Variants in ST18 observed in about 807,000 individuals in gnomAD.
ST18 encodes ST18 C2H2C-type zinc finger transcription factor.
In ST18, 50 loss-of-function variants were observed where a neutral mutation model predicts 110.0. The observed-to-expected ratio is 0.45, with a 90% CI of 0.36 to 0.58. ST18 has a LOEUF of 0.58. ST18 is among the 20% of genes least tolerant of loss of function. The pLI is 0.00. For missense variants in ST18, 1,306 were observed against 1,280.1 expected (o/e 1.02, Z -0.31); for synonymous variants, 461 against 452.4 (o/e 1.02, Z -0.24).
chr8:52,170,430 C>T (rs987623429), intron 10 of ST18, among the ~76,000 whole-genome samples: 3 of 147,054 alleles, frequency 2.0e-5, no homozygotes, highest in Non-Finnish European at 4.5e-5. Flanking sequence ...CCAGCCTGGG[C>T]AACAGAGCAA....
At position 52,242,950 on chromosome 8, in the gene ST18, TG is replaced by T. The variant is rs544119755; in HGVS notation, c.-464-12874del. On this transcript the variant is annotated intron_variant, in intron 2 of 25. Transcript: ENST00000689386. Reference sequence around the variant, plus strand: ...TATTATTCTTATTATTGGACAAAAATGTTTTCTGCTTGAGTCTAAAATACTC... The same window carrying T: ...TATTATTCTTATTATTGGACAAAAATTTTTCTGCTTGAGTCTAAAATACTC... Among the ~76,000 whole-genome samples the T allele has an allele frequency of 2.6e-4, 40 of 152,116 alleles. 3 individuals are homozygous for T. The South Asian group carries it at 7.9e-3, about 30-fold the overall frequency.
chr8:52,136,574 C>A lies in ST18; in HGVS notation c.2300+16G>T. 6.2e-7 allele frequency: 1 copy of A among 1,605,716 alleles called. No individual in the cohort carries two copies. The highest frequency in any genetic ancestry group is 2.2e-5 in the East Asian group (1 of 44,750). On this transcript the variant is annotated intron_variant, in intron 19 of 25. Coordinates refer to ENST00000689386, the MANE Select transcript of ST18 (RefSeq NM_001352837.2). Reference sequence around the variant, plus strand: ...GTGTGGATGAAGGGCAAGCCGGCCACGCTTCCCGCACTTACTTAAGCTCCT... The same window carrying A: ...GTGTGGATGAAGGGCAAGCCGGCCAAGCTTCCCGCACTTACTTAAGCTCCT...
At chr8:52,408,628 C>T (rs1845371302) in intron 2 of ST18, among the ~76,000 whole-genome samples, 2 of 152,210 alleles carry the variant, frequency 1.3e-5, no homozygotes, top group African/African-American at 4.8e-5. Flanking sequence ...CCAAGTACTG[C>T]GTAGTGACCA....
At chr8:52,153,541 A>G (rs186873286) in intron 15 of ST18, among the ~76,000 whole-genome samples, 22 of 152,380 alleles carry the variant, frequency 1.4e-4, no homozygotes, top group African/African-American at 5.0e-4. Context: ...AACGGTAATT[A>G]TTAAAGCTGT....
rs1369224606 is a variant in ST18 at position 52,364,605 on chromosome 8, A to G, written c.-465+44723T>C. 2.6e-5 allele frequency among the ~76,000 whole-genome samples: 4 copies of G among 152,248 alleles called. 1 individual carries two copies. The highest frequency in any genetic ancestry group is 6.5e-5 in the Admixed American group (1 of 15,294). ...CTCTATTATCATTATGACCAAATCT[A>G]CTGACACCAACATGTATTTTTCACT... is the stretch of plus-strand genomic sequence containing the variant. On this transcript the variant is annotated intron_variant, in intron 2 of 25. Transcript: ENST00000689386.
chr8:52,157,394 G>A (rs1444655306), intron 15 of ST18, among the ~76,000 whole-genome samples: 3 of 152,020 alleles, frequency 2.0e-5, no homozygotes, highest in Admixed American at 6.5e-5. Context: ...ATTGGTTCCT[G>A]TATTCTCATA....
At chr8:52,298,038 C>T (rs6991962) in intron 2 of ST18, among the ~76,000 whole-genome samples, 46,690 of 152,048 alleles carry the variant, frequency 0.31, 7,366 homozygotes, top group Middle Eastern at 0.44. Flanking sequence ...TACTTCTAAA[C>T]TGACACTTCC....
rs2052493935 is a variant in ST18 at position 52,136,650 on chromosome 8, C to T, written c.2240G>A (p.Gly747Glu). The change falls in exon 19 of 26, where the codon GGA becomes GAA. Residue 747 changes from glycine (G) to glutamate (E), a missense_variant. By Grantham distance (98) the Gly-to-Glu change is moderately conservative. Transcript: ENST00000689386. ...TAGAGTCTTATCTGCTAAAGGACAT[C>T]CAGAAACACTAGAGAGGGATGAGGA... ...GNYASHRSVSGCPLADKTLKS... is the reference protein window; with the variant it reads ...GNYASHRSVSECPLADKTLKS... 6.2e-7 allele frequency: 1 copy of T among 1,608,184 alleles called. No homozygotes were observed. Among genetic ancestry groups the T allele is most frequent in the African/African-American group, 1.3e-5 (1 of 74,808 alleles).
intron 19 of ST18, among the ~76,000 whole-genome samples, chr8:52,133,710 AATT>A (rs10547451): frequency 0.044 from 6,581 of 147,914 alleles, 268 homozygotes; most frequent in African/African-American, 0.11. Flanking sequence ...AAGTTTTCCA[AATT>A]ATTATTATTA....
intron 10 of ST18, among the ~76,000 whole-genome samples, chr8:52,169,041 G>T (rs1233598185): frequency 6.6e-6 from 1 of 152,152 alleles, no homozygotes; most frequent in African/African-American, 2.4e-5. Context: ...CACACTGTTT[G>T]TCTGCAGGAA....
At chr8:52,196,308 TAA>T (rs1269045406) in intron 8 of ST18, among the ~76,000 whole-genome samples, 1 of 152,166 alleles carries the variant, frequency 6.6e-6, no homozygotes, top group African/African-American at 2.4e-5. Flanking sequence ...ACCTCACACT[TAA>T]AAGAAAAAGA....
chr8:52,239,464 T>G (rs112375094), intron 2 of ST18, among the ~76,000 whole-genome samples: 1 of 152,050 alleles, frequency 6.6e-6, no homozygotes, highest in Non-Finnish European at 1.5e-5. Flanking sequence ...CAGCTTTGAG[T>G]GCTGGCATCA....
intron 9 of ST18, among the ~76,000 whole-genome samples, chr8:52,177,979 G>C (rs561198883): frequency 2.0e-5 from 3 of 152,208 alleles, no homozygotes; most frequent in Admixed American, 6.5e-5. Flanking sequence ...ATTATTAGTG[G>C]TTCTAATATG....
intron 2 of ST18, among the ~76,000 whole-genome samples, chr8:52,359,057 CA>C (rs754042578): frequency 6.6e-6 from 1 of 151,042 alleles, no homozygotes; most frequent in Non-Finnish European, 1.5e-5. Context: ...CCCAGGAATG[CA>C]AAAAATGGCT....
At position 52,199,112 on chromosome 8, in the gene ST18, T is replaced by TC. The variant is rs1564011720; in HGVS notation, c.86+12966_86+12967insG. ...TAGTTTAAGCTTCCATTACATAACC[T>TC]TTTTTTTTTTTTTTAACATTTCATA... On this transcript the variant is annotated intron_variant, in intron 8 of 25. Transcript: ENST00000689386. The TC allele has an allele frequency of 7.9e-5, 4 of 50,482 alleles. No individual in the cohort carries two copies. The African/African-American group carries it at 1.1e-3, about 14-fold the overall frequency. The allele number at this position is 50,482 out of a possible 1,614,324, so 3.1% of individuals were successfully genotyped here. A position where few individuals can be genotyped will look rare whatever the true frequency, so the allele number is the denominator to read the frequency against.
intron 2 of ST18, among the ~76,000 whole-genome samples, chr8:52,267,483 T>TAAAAAAAAA (rs57769643): frequency 1.7e-5 from 2 of 115,030 alleles, no homozygotes; most frequent in African/African-American, 3.2e-5. Flanking sequence ...AGAGATAAGC[T>TAAAAAAAAA]AAAAAAAAAA....
At chr8:52,379,954 G>A (rs1251142113) in intron 2 of ST18, among the ~76,000 whole-genome samples, 1 of 152,150 alleles carries the variant, frequency 6.6e-6, no homozygotes, top group Non-Finnish European at 1.5e-5. Context: ...TCATCTCCAC[G>A]TGAGCAGCTC....
chr8:52,116,598 T>A (rs967854998), intron 24 of ST18, among the ~76,000 whole-genome samples, 180 bp from the exon 25 acceptor site: 1 of 152,170 alleles, frequency 6.6e-6, no homozygotes, highest in African/African-American at 2.4e-5. Flanking sequence ...TGGAATCAAA[T>A]CCCCAAATTT....
At chr8:52,327,809 A>C (rs1027988172) in intron 2 of ST18, among the ~76,000 whole-genome samples, 1 of 152,218 alleles carries the variant, frequency 6.6e-6, no homozygotes. Context: ...ACTTGCTTCA[A>C]TGCAATACCT....
Sources: allele counts gnomAD v4.1 joint callset (sites outside exome capture counted in the v4.1 genomes callset), GRCh38; gene constraint gnomAD v4.1.1; transcripts MANE v1.5; gene names NCBI Gene and HGNC (gene_info 2026-07-23, HGNC 2026-07-21).